Variants in HOATZ observed in about 807,000 individuals in gnomAD.
HOATZ encodes cilia- and flagella-associated protein HOATZ.
Under a neutral mutation model 24.9 loss-of-function variants are expected in HOATZ, and 26 were observed. The observed-to-expected ratio is 1.04, with a 90% confidence interval of 0.76 to 1.45. HOATZ has a LOEUF of 1.45. Among genes scored for constraint, HOATZ ranks in the 40% most tolerant of loss-of-function variants. The pLI, the probability that HOATZ is intolerant of heterozygous loss-of-function variation, is 0.00. For missense variants in HOATZ, 226 were observed against 201.5 expected (o/e 1.12, Z -0.74); for synonymous variants, 83 against 76.6 (o/e 1.08, Z -0.43).
At chr11:111,524,942 G>A (rs773673404) in intron 3 of HOATZ, 1 of 431,012 alleles carries the variant, frequency 2.3e-6, no homozygotes, top group South Asian at 1.7e-5. Context: ...GCTCACTGCA[G>A]CCTCAACTTT....
At chr11:111,519,231 CT>C (rs1867241200) in intron 3 of HOATZ, 1 of 244,244 alleles carries the variant, frequency 4.1e-6, no homozygotes, top group South Asian at 5.0e-5. Flanking sequence ...AACAAATTCA[CT>C]CTATAAAGGC....
intron 3 of HOATZ, among the ~76,000 whole-genome samples, chr11:111,532,401 G>A (rs1867403293): frequency 6.6e-6 from 1 of 152,138 alleles, no homozygotes; most frequent in Non-Finnish European, 1.5e-5. Flanking sequence ...TAGTTAAGAT[G>A]AGGCCATAGT....
rs759468119 is a variant in HOATZ, at chr11:111,536,864, C to T, written c.*37C>T. The stretch of plus-strand genomic sequence containing the variant: ...CATGGCAGAGGATGGCTCACTTATA[C>T]CTTCACTTTGGAAACAACCTTCTCT... On this transcript the variant is annotated 3_prime_UTR_variant, in exon 6 of 6. Coordinates refer to ENST00000375618, the MANE Select transcript of HOATZ (RefSeq NM_001100388.2). The T allele has an allele frequency of 4.5e-6, 7 of 1,557,756 alleles. 1 individual carries two copies. In the South Asian group the frequency reaches 6.7e-5, roughly 15 times the overall value.
At chr11:111,518,123 C>G (rs1360270711) in intron 3 of HOATZ, among the ~76,000 whole-genome samples, 1 of 152,136 alleles carries the variant, frequency 6.6e-6, no homozygotes, top group East Asian at 1.9e-4. Flanking sequence ...TTTGTTATAC[C>G]TAAACATGCA....
intron 3 of HOATZ, among the ~76,000 whole-genome samples, chr11:111,526,961 T>C (rs1867346539): frequency 6.6e-6 from 1 of 152,224 alleles, no homozygotes; most frequent in South Asian, 2.1e-4. Flanking sequence ...ATCAATAACA[T>C]ATAATTCAAT....
intron 3 of HOATZ, among the ~76,000 whole-genome samples, chr11:111,530,415 A>G (rs1221870700): frequency 3.9e-5 from 6 of 152,262 alleles, no homozygotes; most frequent in African/African-American, 1.4e-4. Flanking sequence ...AGCCAAAAAG[A>G]GAGAACCAGA....
At chr11:111,522,290 A>T in intron 3 of HOATZ, among the ~76,000 whole-genome samples, 1 of 152,250 alleles carries the variant, frequency 6.6e-6, no homozygotes. Context: ...TTAATGCAGA[A>T]CTATCAATTT....
chr11:111,525,493 T>C (rs1867329098), intron 3 of HOATZ, among the ~76,000 whole-genome samples: 2 of 152,204 alleles, frequency 1.3e-5, no homozygotes, highest in Non-Finnish European at 2.9e-5. Context: ...TCCAGACATG[T>C]GGGCGCCCTG....
intron 3 of HOATZ, chr11:111,519,183 T>A (rs1407330487): frequency 3.0e-6 from 1 of 336,774 alleles, no homozygotes. Flanking sequence ...CATAGAGTGA[T>A]GTAAGGTATG....
At chr11:111,527,673 T>C (rs1286109103) in intron 3 of HOATZ, among the ~76,000 whole-genome samples, 2 of 152,178 alleles carry the variant, frequency 1.3e-5, no homozygotes, top group African/African-American at 4.8e-5. Flanking sequence ...ATTATTAGAG[T>C]AGATATAAAT....
In HOATZ at chr11:111,514,881, G is replaced by T; in HGVS notation, c.97G>T (p.Asp33Tyr). Reference protein sequence around the residue: ...LLVFAGSSEQDANLAKQFWIS... With the variant: ...LLVFAGSSEQYANLAKQFWIS... ...GGTATTTGCTGGCTCCTCGGAACAA[G>T]ATGCCAACTTGGCTAAGCAGTTCTG... The change falls in exon 1 of 6, where the codon GAT becomes TAT. Residue 33 changes from aspartate (D) to tyrosine (Y), a missense_variant. Physicochemically the swap from Asp to Tyr is radical, Grantham distance 160 (BLOSUM62 -3). Transcript: ENST00000375618. The T allele has an allele frequency of 6.2e-7, 1 of 1,614,162 alleles. No homozygotes were observed.
At chr11:111,534,251 T>C (rs1867424528) in intron 4 of HOATZ, among the ~76,000 whole-genome samples, 161 bp from the exon 5 acceptor site, 2 of 152,326 alleles carry the variant, frequency 1.3e-5, no homozygotes, top group East Asian at 1.9e-4. Flanking sequence ...AACTCTCTAA[T>C]GTGCAACATT....
chr11:111,522,160 C>T (rs920381627), intron 3 of HOATZ, among the ~76,000 whole-genome samples: 7 of 152,160 alleles, frequency 4.6e-5, no homozygotes, highest in Non-Finnish European at 5.9e-5. Flanking sequence ...ACACTTTAAA[C>T]GCTGAGATAA....
intron 3 of HOATZ, among the ~76,000 whole-genome samples, chr11:111,519,682 C>T (rs532611530): frequency 6.6e-6 from 1 of 152,072 alleles, no homozygotes; most frequent in East Asian, 1.9e-4. Flanking sequence ...TTTTAACTAA[C>T]GAAGCATTTA....
intron 3 of HOATZ, among the ~76,000 whole-genome samples, chr11:111,523,104 C>T (rs2135776736): frequency 6.6e-6 from 1 of 151,872 alleles, no homozygotes; most frequent in East Asian, 1.9e-4. Flanking sequence ...GTTCAACACA[C>T]ACGTTCACAG....
Position 111,536,879 on chromosome 11 carries a change from C to T in HOATZ, c.*52C>T, listed in dbSNP as rs73013177. 22 of 1,392,296 alleles carry T rather than the reference C, an allele frequency of 1.6e-5. No individual in the cohort carries two copies. The highest frequency in any genetic ancestry group is 2.2e-5 in the Non-Finnish European group (22 of 978,412). 86.2% of individuals were successfully genotyped at this position (1,392,296 alleles called of 1,614,324 possible). ...CTCACTTATACCTTCACTTTGGAAA[C>T]AACCTTCTCTTAGATCAGGATCATT... On this transcript the variant is annotated 3_prime_UTR_variant, in exon 6 of 6. Coordinates refer to ENST00000375618, the MANE Select transcript of HOATZ (RefSeq NM_001100388.2).
chr11:111,520,096 G>T (rs2135774563), intron 3 of HOATZ, among the ~76,000 whole-genome samples: 1 of 152,274 alleles, frequency 6.6e-6, no homozygotes, highest in Non-Finnish European at 1.5e-5. Context: ...GGCTTGCTCT[G>T]TCCATAAAGG....
At chr11:111,516,506 C>A (rs1396032829) in intron 3 of HOATZ, among the ~76,000 whole-genome samples, 1 of 149,992 alleles carries the variant, frequency 6.7e-6, no homozygotes, top group Non-Finnish European at 1.5e-5. Context: ...GCCAGGAATT[C>A]AAGACCAGCC....
At chr11:111,518,054 G>A (rs1265342868) in intron 3 of HOATZ, among the ~76,000 whole-genome samples, 1 of 152,110 alleles carries the variant, frequency 6.6e-6, no homozygotes, top group Non-Finnish European at 1.5e-5. Context: ...GCAGGCCAAG[G>A]AACACTATTT....
Sources: allele counts gnomAD v4.1 joint callset (sites outside exome capture counted in the v4.1 genomes callset), GRCh38; gene constraint gnomAD v4.1.1; transcripts MANE v1.5; gene names NCBI Gene and HGNC (gene_info 2026-07-23, HGNC 2026-07-21).